Variants in GALNT17 observed in about 807,000 individuals in gnomAD.
GALNT17 encodes the protein polypeptide N-acetylgalactosaminyltransferase 17.
In GALNT17, 29 loss-of-function variants were observed where a neutral mutation model predicts 63.7. The ratio of observed to expected loss-of-function variants is 0.46; its 90% CI spans 0.34 to 0.62. GALNT17 has a LOEUF of 0.62. Ranked by LOEUF, GALNT17 falls within the 20% of genes least tolerant of loss-of-function variation. The probability of loss-of-function intolerance (pLI) is 0.01; values close to 1 mark genes in which losing one functional copy is unlikely to be tolerated. For synonymous variants in GALNT17, 305 were observed against 318.3 expected (o/e 0.96, Z 0.45); for missense variants, 603 against 799.6 (o/e 0.75, Z 2.97).
chr7:71,550,862 T>C (rs555996791), intron 5 of GALNT17, among the ~76,000 whole-genome samples: 1 of 152,206 alleles, frequency 6.6e-6, no homozygotes, highest in East Asian at 1.9e-4. Context: ...AAATCTCTGA[T>C]TTTTTTTATT....
chr7:71,189,765 G>T (rs1317095190), intron 1 of GALNT17, among the ~76,000 whole-genome samples: 1 of 151,972 alleles, frequency 6.6e-6, no homozygotes, highest in Non-Finnish European at 1.5e-5. Flanking sequence ...CTGTCCTGCA[G>T]GCTTGTTTGA....
chr7:71,445,623 C>T (rs1787148338), intron 5 of GALNT17, among the ~76,000 whole-genome samples: 1 of 152,158 alleles, frequency 6.6e-6, no homozygotes, highest in Non-Finnish European at 1.5e-5. Flanking sequence ...TGGGAAGAAA[C>T]AGGCTGCAAG....
At chr7:71,416,189 G>A (rs769266662) in intron 4 of GALNT17, 126 bp downstream of exon 4, 27 of 1,145,630 alleles carry the variant, frequency 2.4e-5, no homozygotes, top group Middle Eastern at 3.0e-4. Context: ...AGAGAGACTC[G>A]TCAAAGAAGA....
chr7:71,283,217 T>G (rs1562968856), intron 1 of GALNT17, among the ~76,000 whole-genome samples: 2 of 151,912 alleles, frequency 1.3e-5, no homozygotes, highest in Admixed American at 6.6e-5. Context: ...AAAAAATTTG[T>G]GTGTAGATGG....
chr7:71,291,405 G>T (rs1185098597), intron 1 of GALNT17, among the ~76,000 whole-genome samples: 7 of 152,250 alleles, frequency 4.6e-5, no homozygotes, highest in African/African-American at 1.7e-4. Context: ...TTGACCCCAC[G>T]TTTTACTGGG....
chr7:71,461,977 T>C (rs1787458728), intron 5 of GALNT17, among the ~76,000 whole-genome samples: 1 of 152,218 alleles, frequency 6.6e-6, no homozygotes, highest in Admixed American at 6.5e-5. Context: ...TGTCCAGCAG[T>C]GCCATTATTT....
intron 5 of GALNT17, among the ~76,000 whole-genome samples, chr7:71,484,797 ATTTTTTT>A (rs386410414): frequency 9.3e-6 from 1 of 107,364 alleles, no homozygotes; most frequent in Non-Finnish European, 1.7e-5. Flanking sequence ...CAGCATCAGG[ATTTTTTT>A]TTTTTTTTTT....
chr7:71,153,410 C>T (rs1387340151), intron 1 of GALNT17, among the ~76,000 whole-genome samples: 1 of 152,166 alleles, frequency 6.6e-6, no homozygotes, highest in African/African-American at 2.4e-5. Context: ...CTTTCCGGGC[C>T]TCAGTTTTCT....
At chr7:71,503,946 T>C (rs946330744) in intron 5 of GALNT17, among the ~76,000 whole-genome samples, 1 of 151,064 alleles carries the variant, frequency 6.6e-6, no homozygotes, top group African/African-American at 2.4e-5. Flanking sequence ...ATACAAAAAA[T>C]GGCCAGGCGC....
At chr7:71,148,863 TA>T (rs1788078348) in intron 1 of GALNT17, among the ~76,000 whole-genome samples, 5 of 100,286 alleles carry the variant, frequency 5.0e-5, no homozygotes, top group East Asian at 5.6e-4. Context: ...GGTATTTTTA[TA>T]TATATATATA....
chr7:71,252,331 C>A (rs1039009721), intron 1 of GALNT17, among the ~76,000 whole-genome samples: 1 of 151,850 alleles, frequency 6.6e-6, no homozygotes, highest in East Asian at 1.9e-4. Flanking sequence ...TTGAGACCAG[C>A]CTGGCCAACA....
intron 5 of GALNT17, among the ~76,000 whole-genome samples, chr7:71,469,965 T>G (rs1258883547): frequency 6.6e-6 from 1 of 152,176 alleles, no homozygotes; most frequent in Non-Finnish European, 1.5e-5. Flanking sequence ...TCCCAACACT[T>G]TGGGAGGCTG....
At chr7:71,566,414 C>G (rs890682632) in intron 5 of GALNT17, among the ~76,000 whole-genome samples, 1 of 152,124 alleles carries the variant, frequency 6.6e-6, no homozygotes, top group Non-Finnish European at 1.5e-5. Flanking sequence ...TGGGTGTTTT[C>G]AGACTCCAAG....
At chr7:71,467,879 GGT>G (rs1787562942) in intron 5 of GALNT17, among the ~76,000 whole-genome samples, 1 of 152,118 alleles carries the variant, frequency 6.6e-6, no homozygotes, top group African/African-American at 2.4e-5. Flanking sequence ...TCAGAGCCAA[GGT>G]GTATTGGCTA....
chr7:71,362,557 A>G, intron 2 of GALNT17, among the ~76,000 whole-genome samples: 1 of 152,142 alleles, frequency 6.6e-6, no homozygotes, highest in Non-Finnish European at 1.5e-5. Context: ...AAATTCATTG[A>G]TCCCATTTTG....
At chr7:71,406,735 T>TG (rs1489912133) in intron 3 of GALNT17, among the ~76,000 whole-genome samples, 2 of 112,858 alleles carry the variant, frequency 1.8e-5, no homozygotes, top group African/African-American at 3.2e-5. Flanking sequence ...TATTTCCAGG[T>TG]GGTTTTTTTT....
chr7:71,140,260 CACAGGGATTGAGG>C (rs1787861755), intron 1 of GALNT17, among the ~76,000 whole-genome samples: 1 of 152,176 alleles, frequency 6.6e-6, no homozygotes, highest in African/African-American at 2.4e-5. Context: ...GCAGACATTC[CACAGGGATTGAGG>C]ACAGGCGCGG....
At chr7:71,366,535 C>G (rs1018503896) in intron 2 of GALNT17, among the ~76,000 whole-genome samples, 3 of 152,170 alleles carry the variant, frequency 2.0e-5, no homozygotes, top group African/African-American at 7.2e-5. Context: ...GAGCTGAGAT[C>G]GTGCCATTGC....
chr7:71,295,128 A>G (rs1053596521), intron 1 of GALNT17, among the ~76,000 whole-genome samples: 1 of 152,038 alleles, frequency 6.6e-6, no homozygotes, highest in East Asian at 1.9e-4. Flanking sequence ...CTATATGGTA[A>G]TTCTTCTAAG....
Sources: gnomAD v4.1 joint callset for allele counts (sites outside exome capture counted in the v4.1 genomes callset) on GRCh38, gnomAD v4.1.1 for gene constraint, MANE v1.5 for transcripts, NCBI Gene and HGNC (gene_info 2026-07-23, HGNC 2026-07-21) for gene names.